Variants in PRUNE2 observed in about 807,000 individuals in gnomAD.
PRUNE2 encodes prune homolog 2 with BCH domain, also known as protein prune homolog 2.
PRUNE2 carries 164 observed loss-of-function variants against 252.0 expected under a neutral mutation model. That is an observed-to-expected ratio of 0.65 (90% CI 0.57 to 0.74). PRUNE2 has a LOEUF of 0.74. Among genes scored for constraint, PRUNE2 ranks in the 30% least tolerant of loss-of-function variants. The pLI is 0.00. For missense variants in PRUNE2, 3,495 were observed against 3,711.0 expected (o/e 0.94, Z 1.51); for synonymous variants, 1,292 against 1,350.2 (o/e 0.96, Z 0.94).
At chr9:76,688,203 C>T (rs1030403331) in intron 9 of PRUNE2, among the ~76,000 whole-genome samples, 3 of 152,306 alleles carry the variant, frequency 2.0e-5, no homozygotes, top group African/African-American at 7.2e-5. Flanking sequence ...CTTCACACCC[C>T]ATCCCAATAG....
chr9:76,709,371 G>C lies in PRUNE2; in HGVS notation c.2903C>G (p.Ser968Cys), dbSNP rs1226130114. 6.2e-7 allele frequency: 1 copy of C among 1,613,986 alleles called. No individual in the cohort carries two copies. Among genetic ancestry groups the C allele is most frequent in the South Asian group, 1.1e-5 (1 of 91,084 alleles). ...TGGTGATGTGTAAGAGTCTGAGGTG[G>C]AATAATTGGTATCTAAGGGGGAAGG... ...SVPSPLDTNY[S>C]TSDSYTSPTF... Residue 968 changes from serine (S) to cysteine (C), a missense_variant, in exon 8 of 19, where the codon TCC becomes TGC. Coordinates refer to ENST00000376718, the MANE Select transcript of PRUNE2 (RefSeq NM_015225.3).
At position 76,614,576 on chromosome 9, in the gene PRUNE2, C is replaced by T; in HGVS notation, c.9261G>A (p.Lys3087=). Residue 3087 remains lysine, a synonymous_variant, in exon 19 of 19, where the codon AAG becomes AAA. Coordinates refer to ENST00000376718, the MANE Select transcript of PRUNE2 (RefSeq NM_015225.3). ...CTTCTTCCAGCATGGCCAACTAAGG[C>T]TTTTCTTTCAGCTTCAAGTCAATAC... ...EKDIDLKLKE[K]P 1 of 1,612,524 alleles carries T rather than the reference C, an allele frequency of 6.2e-7. No homozygotes were observed. Among genetic ancestry groups the T allele is most frequent in the Non-Finnish European group, 8.5e-7 (1 of 1,179,048 alleles).
intron 6 of PRUNE2, among the ~76,000 whole-genome samples, chr9:76,724,546 T>C (rs947865412): frequency 1.3e-5 from 2 of 151,772 alleles, no homozygotes; most frequent in African/African-American, 4.8e-5. Flanking sequence ...AATAAGGGAG[T>C]TAAAATTCTT....
intron 6 of PRUNE2, among the ~76,000 whole-genome samples, chr9:76,817,177 A>G (rs1438136005): frequency 3.3e-5 from 5 of 152,192 alleles, no homozygotes; most frequent in African/African-American, 9.7e-5. Context: ...GTTTGGGGCA[A>G]TGACTGATAG....
chr9:76,648,039 A>AT (rs1845699802), intron 11 of PRUNE2, among the ~76,000 whole-genome samples: 1 of 152,170 alleles, frequency 6.6e-6, no homozygotes, highest in Non-Finnish European at 1.5e-5. Context: ...CACAAAGAAG[A>AT]TATACAGGTG....
At chr9:76,788,682 C>A (rs1244067888) in intron 6 of PRUNE2, 1 of 595,550 alleles carries the variant, frequency 1.7e-6, no homozygotes, top group African/African-American at 1.9e-5. Context: ...ATGAAGACAA[C>A]CTGAGTGGGG....
chr9:76,853,843 G>A (rs2060096728), intron 2 of PRUNE2, among the ~76,000 whole-genome samples: 1 of 152,166 alleles, frequency 6.6e-6, no homozygotes, highest in African/African-American at 2.4e-5. Flanking sequence ...CACTTTAAAT[G>A]TTTTATTTGA....
At chr9:76,664,535 T>A (rs949337667) in intron 9 of PRUNE2, among the ~76,000 whole-genome samples, 32 of 152,252 alleles carry the variant, frequency 2.1e-4, no homozygotes, top group African/African-American at 4.3e-4. Flanking sequence ...TTCATTTATT[T>A]TTTGAGACAG....
intron 9 of PRUNE2, among the ~76,000 whole-genome samples, chr9:76,668,560 G>A (rs2040659985): frequency 1.3e-5 from 2 of 152,034 alleles, no homozygotes; most frequent in South Asian, 4.2e-4. Flanking sequence ...CTGTGAAAAG[G>A]GCCTGGGTGG....
rs533955031 is a variant in PRUNE2 at position 76,884,225 on chromosome 9, T to C, written c.36+21703A>G. The stretch of plus-strand genomic sequence containing the variant: ...TTAACTGTTCCATCCCTGGTTTCAC[T>C]GCAACCCAAATAACCCCACCCTAGA... On this transcript the variant is annotated intron_variant, in intron 1 of 18. Coordinates refer to ENST00000376718, the MANE Select transcript of PRUNE2 (RefSeq NM_015225.3). Among the ~76,000 whole-genome samples, 17 of 152,302 alleles carry C rather than the reference T, an allele frequency of 1.1e-4. No homozygotes were observed. In the South Asian group the frequency reaches 2.5e-3, roughly 22 times the overall value.
intron 7 of PRUNE2, among the ~76,000 whole-genome samples, chr9:76,711,631 C>T (rs1030224270): frequency 6.6e-6 from 1 of 152,146 alleles, no homozygotes; most frequent in African/African-American, 2.4e-5. Flanking sequence ...ACCACCTATT[C>T]TTTCCTAACT....
rs756648285 is a variant in PRUNE2 at position 76,774,457 on chromosome 9, T to TATTTATTTATTTATTTATTTATTTA, written c.756+49174_756+49175insTAAATAAATAAATAAATAAATAAAT. ...CTGGCCTCCAGTTCAACCCTTTTTT[T>TATTTATTTATTTATTTATTTATTTA]TTTTTTTTTTTTTTTTTTTTGAGAT... On this transcript the variant is annotated intron_variant, in intron 6 of 18. Transcript: ENST00000376718. Among the ~76,000 whole-genome samples, 143 of 73,562 alleles carry TATTTATTTATTTATTTATTTATTTA rather than the reference T, an allele frequency of 1.9e-3. 4 individuals are homozygous for TATTTATTTATTTATTTATTTATTTA. In the Middle Eastern group the frequency reaches 0.025, roughly 13 times the overall value. The allele number at this position is 73,562 out of a possible 152,430, so 48.3% of individuals were successfully genotyped here. A position where few individuals can be genotyped will look rare whatever the true frequency, so the allele number is the denominator to read the frequency against.
intron 6 of PRUNE2, chr9:76,782,632 CAG>C (rs2054540688): frequency 6.6e-6 from 1 of 152,148 alleles, no homozygotes; most frequent in Non-Finnish European, 1.5e-5. Flanking sequence ...GTTATAAGCG[CAG>C]AGTTTCTTGG....
chr9:76,615,165 A>G (rs559299023), intron 18 of PRUNE2: 1 of 985,354 alleles, frequency 1.0e-6, no homozygotes, highest in African/African-American at 1.7e-5. Context: ...GTTCCCAAGT[A>G]TCTGAGGAGT....
intron 11 of PRUNE2, among the ~76,000 whole-genome samples, chr9:76,649,257 T>G (rs1307323106): frequency 1.3e-5 from 2 of 152,250 alleles, no homozygotes; most frequent in Non-Finnish European, 2.9e-5. Context: ...ATGTGTATTA[T>G]TCTTCCTCTG....
At chr9:76,872,416 G>A (rs1023408662) in intron 1 of PRUNE2, among the ~76,000 whole-genome samples, 5 of 152,118 alleles carry the variant, frequency 3.3e-5, no homozygotes, top group African/African-American at 7.2e-5. Context: ...ATGTGGGGGC[G>A]CAGTGGACAG....
intron 6 of PRUNE2, among the ~76,000 whole-genome samples, chr9:76,817,467 T>A (rs1010272401): frequency 6.6e-6 from 1 of 152,204 alleles, no homozygotes; most frequent in Non-Finnish European, 1.5e-5. Context: ...TCCAGTTACA[T>A]GTGACCATGT....
chr9:76,857,200 A>ACTCTCTTT lies in PRUNE2; in HGVS notation c.37-3000_37-2993dup, dbSNP rs1458093398. On this transcript the variant is annotated intron_variant, in intron 1 of 18. Transcript: ENST00000376718. ...GCATATACAGTTTCCAGGCTTCAGC[A>ACTCTCTTT]CTCTCTTTCCCCCTCCACCCCCATC... 4.2e-4 allele frequency: 189 copies of ACTCTCTTT among 451,162 alleles called. 2 individuals carry two copies. The highest frequency in any genetic ancestry group is 1.9e-4 in the Non-Finnish European group (43 of 224,596). The allele number at this position is 451,162 out of a possible 1,614,324, so 27.9% of individuals were successfully genotyped here. A position where few individuals can be genotyped will look rare whatever the true frequency, so the allele number is the denominator to read the frequency against.
At chr9:76,670,534 C>G (rs1376618125) in intron 9 of PRUNE2, among the ~76,000 whole-genome samples, 3 of 151,962 alleles carry the variant, frequency 2.0e-5, no homozygotes, top group Non-Finnish European at 4.4e-5. Flanking sequence ...GAAGCTCGAA[C>G]TGGGTGGAGC....
Sources: gnomAD v4.1 joint callset for allele counts (sites outside exome capture counted in the v4.1 genomes callset) on GRCh38, gnomAD v4.1.1 for gene constraint, MANE v1.5 for transcripts, NCBI Gene and HGNC (gene_info 2026-07-23, HGNC 2026-07-21) for gene names.